Variants in MPDZ observed in about 807,000 individuals in gnomAD.
MPDZ encodes the protein multiple PDZ domain protein.
In MPDZ, 234 loss-of-function variants were observed where a neutral mutation model predicts 239.1. The observed-to-expected ratio is 0.98, with a 90% CI of 0.88 to 1.09. MPDZ has a LOEUF of 1.09. Among genes scored for constraint, MPDZ ranks in the 50% least tolerant of loss-of-function variants. The pLI is 0.00. For synonymous variants in MPDZ, 1,048 were observed against 881.3 expected, an observed-to-expected ratio of 1.19 and a Z score of -3.35; for missense variants, 3,175 against 2,510.0, an observed-to-expected ratio of 1.26 and a Z score of -5.66.
chr9:13,187,787 GA>G (rs1325103926), intron 17 of MPDZ, among the ~76,000 whole-genome samples: 1 of 41,796 alleles, frequency 2.4e-5, no homozygotes, highest in African/African-American at 8.3e-5. Flanking sequence ...TCACGTACTG[GA>G]AAAAACCCAC....
rs73406244 is a variant in MPDZ, at chr9:13,151,223, G to A, written c.3453-535C>T. Among the ~76,000 whole-genome samples, 1,494 of 152,046 alleles carry A rather than the reference G, an allele frequency of 9.8e-3. 36 individuals are homozygous for A. Among genetic ancestry groups the A allele is most frequent in the South Asian group, 0.088 (422 of 4,822 alleles). On this transcript the variant is annotated intron_variant, in intron 24 of 46. Transcript: ENST00000319217. ...GTACTGTTGGTAGAAATGTAAAATC[G>A]TGTAGCTGCTATGGAAAAGAGTATA...
At chr9:13,139,522 C>T (rs370531722) in intron 28 of MPDZ, among the ~76,000 whole-genome samples, 11 of 152,320 alleles carry the variant, frequency 7.2e-5, no homozygotes, top group African/African-American at 1.7e-4. Flanking sequence ...AGCTTAGAGA[C>T]AGTTAAACAG....
chr9:13,182,388 T>C (rs892652573), intron 19 of MPDZ, among the ~76,000 whole-genome samples: 21 of 152,156 alleles, frequency 1.4e-4, no homozygotes, highest in African/African-American at 2.7e-4. Flanking sequence ...TAATATGTTA[T>C]AATGTATTAG....
Position 13,224,459 on chromosome 9 carries a change from T to C in MPDZ, c.308A>G (p.Glu103Gly), listed in dbSNP as rs771797871. Reference protein sequence around the residue: ...FLLSPNNGNLEALTGPGIPHI... With the variant: ...FLLSPNNGNLGALTGPGIPHI... The stretch of plus-strand genomic sequence containing the variant: ...TGGAATACCAGGTCCTGTAAGTGCT[T>C]CCAGATTCCCATTGTTTGGGGATAA... Residue 103 changes from glutamate to glycine, a missense_variant, in exon 4 of 47, where the codon GAA becomes GGA. By Grantham distance (98) the Glu-to-Gly change is moderately conservative. Transcript: ENST00000319217. 14 of 1,612,898 alleles carry C rather than the reference T, an allele frequency of 8.7e-6. No individual in the cohort carries two copies. Among genetic ancestry groups the C allele is most frequent in the Non-Finnish European group, 1.2e-5 (14 of 1,179,344 alleles).
Position 13,119,166 on chromosome 9 carries a change from G to A in MPDZ, c.5379+336C>T, listed in dbSNP as rs564349818. Among the ~76,000 whole-genome samples the A allele has an allele frequency of 8.7e-4, 132 of 152,210 alleles. 1 individual carries two copies. The highest frequency in any genetic ancestry group is 2.6e-3 in the African/African-American group (110 of 41,526). ...TCTGTCACCTAAGCTGGAATTCAGT[G>A]GTGTGACCCCAGACTCATGCGATCC... On this transcript the variant is annotated intron_variant, in intron 39 of 46. Transcript: ENST00000319217.
chr9:13,147,330 G>C (rs1479053344), intron 26 of MPDZ, among the ~76,000 whole-genome samples: 1 of 151,980 alleles, frequency 6.6e-6, no homozygotes, highest in Non-Finnish European at 1.5e-5. Context: ...ATCTACTTCT[G>C]TGTATATTCA....
rs758632247 is a variant in MPDZ, at chr9:13,125,273, T to C, written c.4750A>G (p.Ser1584Gly). 1.2e-6 allele frequency: 2 copies of C among 1,613,488 alleles called. No individual in the cohort carries two copies. The highest frequency in any genetic ancestry group is 1.3e-5 in the African/African-American group (1 of 75,038). ...AGAASGEKKNSSQSLMVPQSG... is the reference protein window; with the variant it reads ...AGAASGEKKNGSQSLMVPQSG... ...TGTGGGACCATCAGAGACTGGGAGC[T>C]GTTCTTTTTTTCTCCACTGGCTGCA... is the stretch of plus-strand genomic sequence containing the variant. Residue 1584 changes from serine to glycine, a missense_variant, in exon 35 of 47, where the codon AGC becomes GGC. By Grantham distance (56) the Ser-to-Gly change is moderately conservative (BLOSUM62 0). Transcript: ENST00000319217.
At chr9:13,213,217 TGAAATGGGA>T (rs1173315680) in intron 10 of MPDZ, among the ~76,000 whole-genome samples, 4 of 152,012 alleles carry the variant, frequency 2.6e-5, no homozygotes, top group Non-Finnish European at 2.9e-5. Flanking sequence ...TACCAACATA[TGAAATGGGA>T]AAAATGGAGA....
At chr9:13,189,623 C>T (rs1954625738) in intron 16 of MPDZ, among the ~76,000 whole-genome samples, 1 of 152,120 alleles carries the variant, frequency 6.6e-6, no homozygotes, top group Non-Finnish European at 1.5e-5. Context: ...GCTTTACCAT[C>T]TCCTCCCTTA....
intron 22 of MPDZ, among the ~76,000 whole-genome samples, chr9:13,163,361 T>G (rs763646040): frequency 6.6e-6 from 1 of 152,168 alleles, no homozygotes; most frequent in African/African-American, 2.4e-5. Context: ...TTTGAGTTTA[T>G]GGAAAGACTC....
At chr9:13,203,608 G>A in intron 12 of MPDZ, among the ~76,000 whole-genome samples, 1 of 152,090 alleles carries the variant, frequency 6.6e-6, no homozygotes, top group East Asian at 1.9e-4. Flanking sequence ...CTTACCCCTT[G>A]TCTGAGGACT....
intron 3 of MPDZ, among the ~76,000 whole-genome samples, chr9:13,235,758 G>A (rs994431370): frequency 1.3e-5 from 2 of 152,122 alleles, no homozygotes; most frequent in South Asian, 4.2e-4. Flanking sequence ...CCCTATATAG[G>A]TACAAAGCAT....
rs373610048 is a variant in MPDZ at position 13,277,853 on chromosome 9, T to C, written c.-58+1547A>G. On this transcript the variant is annotated intron_variant, in intron 1 of 46. Coordinates refer to ENST00000319217, the MANE Select transcript of MPDZ (RefSeq NM_001378778.1). ...GTGCTGGGATTACAAGCGTGAGCCATTGCGCCTGGCCAAGTTTTGCTAGGT... is the reference window on the plus strand; with the variant it reads ...GTGCTGGGATTACAAGCGTGAGCCACTGCGCCTGGCCAAGTTTTGCTAGGT... Among the ~76,000 whole-genome samples the C allele has an allele frequency of 9.2e-5, 14 of 152,278 alleles. No homozygotes were observed. In the East Asian group the frequency reaches 2.3e-3, roughly 25 times the overall value.
chr9:13,225,436 T>C (rs570642865), intron 3 of MPDZ, among the ~76,000 whole-genome samples: 32 of 152,024 alleles, frequency 2.1e-4, no homozygotes, highest in African/African-American at 6.7e-4. Context: ...ATACAGTATA[T>C]TGACTATCTA....
At chr9:13,214,192 G>A (rs1249585388) in intron 10 of MPDZ, among the ~76,000 whole-genome samples, 1 of 151,992 alleles carries the variant, frequency 6.6e-6, no homozygotes, top group Non-Finnish European at 1.5e-5. Context: ...ATTGATGAAT[G>A]GGTAAATAAA....
chr9:13,259,995 G>C (rs200748719), intron 1 of MPDZ, among the ~76,000 whole-genome samples: 1 of 151,334 alleles, frequency 6.6e-6, no homozygotes, highest in Non-Finnish European at 1.5e-5. Context: ...CACCACGCCC[G>C]GCTAATTTTT....
intron 16 of MPDZ, among the ~76,000 whole-genome samples, chr9:13,189,599 A>G (rs925288266): frequency 2.0e-5 from 3 of 152,112 alleles, no homozygotes; most frequent in Non-Finnish European, 4.4e-5. Flanking sequence ...CAACAGCTGC[A>G]CTCTATCAGA....
At chr9:13,183,311 C>T (rs1953618567) in intron 19 of MPDZ, 107 bp downstream of exon 19, 1 of 852,542 alleles carries the variant, frequency 1.2e-6, no homozygotes, top group Admixed American at 3.4e-5. Flanking sequence ...ACTGGAGAAA[C>T]ATAATGTCTC....
chr9:13,237,083 TA>T (rs1477079761), intron 3 of MPDZ, among the ~76,000 whole-genome samples: 3 of 152,128 alleles, frequency 2.0e-5, no homozygotes, highest in Admixed American at 6.5e-5. Flanking sequence ...CTTGATACAG[TA>T]AAACTTGTTA....
Sources: gnomAD v4.1 joint callset for allele counts (sites outside exome capture counted in the v4.1 genomes callset) on GRCh38, gnomAD v4.1.1 for gene constraint, MANE v1.5 for transcripts, NCBI Gene and HGNC (gene_info 2026-07-23, HGNC 2026-07-21) for gene names.